Variants in NCAM1 observed in about 807,000 individuals in gnomAD.
NCAM1 encodes antigen recognized by monoclonal antibody 5.1H11.
NCAM1 carries 14 observed loss-of-function variants against 109.8 expected under a neutral mutation model. The observed-to-expected ratio is 0.13, with a 90% CI of 0.08 to 0.20. The LOEUF (loss-of-function observed/expected upper bound fraction) is 0.20, where lower values mean the gene tolerates loss of function less well. Among genes scored for constraint, NCAM1 ranks in the 10% least tolerant of loss-of-function variants. The pLI is 1.00. For synonymous variants in NCAM1, 418 were observed against 442.9 expected (o/e 0.94, Z 0.70); for missense variants, 774 against 1,109.9 (o/e 0.70, Z 4.30).
chr11:113,081,262 C>T (rs75458117), intron 1 of NCAM1, among the ~76,000 whole-genome samples: 202 of 152,058 alleles, frequency 1.3e-3, no homozygotes, highest in African/African-American at 4.7e-3. Flanking sequence ...GATGGCAGGA[C>T]GGGGGTCCCG....
At chr11:113,235,293 G>A in intron 14 of NCAM1, 129 bp downstream of exon 14, 2 of 1,579,252 alleles carry the variant, frequency 1.3e-6, no homozygotes, top group Non-Finnish European at 1.7e-6. Flanking sequence ...CTCTGCTCCT[G>A]GAGGCCCCAC....
intron 1 of NCAM1, among the ~76,000 whole-genome samples, chr11:113,171,464 T>C (rs1555106226): frequency 6.6e-6 from 1 of 152,096 alleles, no homozygotes; most frequent in Non-Finnish European, 1.5e-5. Flanking sequence ...AAACCCCGTT[T>C]CTACTAAAAA....
At chr11:112,981,064 T>A (rs570648601) in intron 1 of NCAM1, among the ~76,000 whole-genome samples, 30 of 151,854 alleles carry the variant, frequency 2.0e-4, no homozygotes, top group Non-Finnish European at 3.7e-4. Flanking sequence ...TAAGAGAATG[T>A]AGAGGAGAAT....
At chr11:113,015,822 G>A (rs1015326495) in intron 1 of NCAM1, among the ~76,000 whole-genome samples, 14 of 152,182 alleles carry the variant, frequency 9.2e-5, no homozygotes, top group African/African-American at 3.4e-4. Flanking sequence ...CCAGGAGTAA[G>A]CATTACACTT....
chr11:113,021,871 G>A (rs1952395417), intron 1 of NCAM1, among the ~76,000 whole-genome samples: 1 of 152,172 alleles, frequency 6.6e-6, no homozygotes, highest in African/African-American at 2.4e-5. Context: ...AATAGCAAAG[G>A]TAGATAATTA....
intron 1 of NCAM1, among the ~76,000 whole-genome samples, chr11:113,077,374 G>A (rs1277281714): frequency 5.3e-5 from 8 of 152,186 alleles, no homozygotes; most frequent in African/African-American, 1.9e-4. Flanking sequence ...TTTCTATAGG[G>A]CTTGGGTGAG....
At chr11:113,019,392 C>G (rs1591253209) in intron 1 of NCAM1, among the ~76,000 whole-genome samples, 1 of 152,292 alleles carries the variant, frequency 6.6e-6, no homozygotes, top group East Asian at 1.9e-4. Context: ...TAACATTTGC[C>G]TGATTTCAAT....
At chr11:112,964,418 A>G (rs2134451317) in intron 1 of NCAM1, among the ~76,000 whole-genome samples, 1 of 152,332 alleles carries the variant, frequency 6.6e-6, no homozygotes, top group East Asian at 1.9e-4. Context: ...AACGATCTGG[A>G]ATGGTTAAGT....
intron 1 of NCAM1, among the ~76,000 whole-genome samples, chr11:113,187,820 G>A (rs1041107578): frequency 1.3e-5 from 2 of 152,042 alleles, no homozygotes; most frequent in Non-Finnish European, 2.9e-5. Context: ...CTTTTTTCTC[G>A]GGCCATTTAT....
chr11:113,105,072 A>C (rs1271505759), intron 1 of NCAM1, among the ~76,000 whole-genome samples: 8 of 152,220 alleles, frequency 5.3e-5, no homozygotes, highest in African/African-American at 1.9e-4. Flanking sequence ...TTTGAGAAAC[A>C]CGTCAAAGTT....
intron 9 of NCAM1, among the ~76,000 whole-genome samples, chr11:113,228,838 T>C (rs1425802881): frequency 6.6e-6 from 1 of 152,182 alleles, no homozygotes; most frequent in Admixed American, 6.5e-5. Flanking sequence ...GGGGAAAGGA[T>C]TCCCTATTTA....
At chr11:113,131,621 C>T (rs1476584612) in intron 1 of NCAM1, among the ~76,000 whole-genome samples, 1 of 152,174 alleles carries the variant, frequency 6.6e-6, no homozygotes, top group Non-Finnish European at 1.5e-5. Context: ...GTTGATGTCT[C>T]GTGCTCAGAA....
At chr11:113,240,726 C>T (rs1227173560) in intron 14 of NCAM1, 17 of 1,504,316 alleles carry the variant, frequency 1.1e-5, no homozygotes, top group Admixed American at 7.1e-5. Flanking sequence ...ATTTTTTTTT[C>T]ATTCAGTATC....
At chr11:113,148,284 G>A (rs142406307) in intron 1 of NCAM1, among the ~76,000 whole-genome samples, 5 of 151,804 alleles carry the variant, frequency 3.3e-5, no homozygotes, top group Admixed American at 6.5e-5. Flanking sequence ...ATAACAGGCC[G>A]CTGCCCTACT....
At chr11:113,187,902 T>C (rs1943562057) in intron 1 of NCAM1, among the ~76,000 whole-genome samples, 1 of 152,390 alleles carries the variant, frequency 6.6e-6, no homozygotes, top group African/African-American at 2.4e-5. Flanking sequence ...TATAAGATAC[T>C]GGCATCTTTA....
intron 1 of NCAM1, among the ~76,000 whole-genome samples, chr11:113,025,810 AGAGAGAGAGAGAGG>A (rs1361153821): frequency 6.6e-6 from 1 of 150,612 alleles, no homozygotes; most frequent in Non-Finnish European, 1.5e-5. Flanking sequence ...AGAGAGAGAG[AGAGAGAGAGAGAGG>A]GAGAGAGAGA....
At chr11:113,120,814 T>C (rs1029930708) in intron 1 of NCAM1, among the ~76,000 whole-genome samples, 17 of 152,196 alleles carry the variant, frequency 1.1e-4, no homozygotes, top group African/African-American at 4.1e-4. Context: ...CTTAAATCCC[T>C]TAAATGCCCT....
intron 14 of NCAM1, among the ~76,000 whole-genome samples, chr11:113,237,028 A>G (rs1257241372): frequency 6.6e-6 from 1 of 152,212 alleles, no homozygotes; most frequent in Non-Finnish European, 1.5e-5. Context: ...TTTGGGGAAG[A>G]CTAACCAGCT....
chr11:113,252,786 C>G (rs1351712009), intron 15 of NCAM1, among the ~76,000 whole-genome samples: 1 of 141,668 alleles, frequency 7.1e-6, no homozygotes, highest in Non-Finnish European at 1.5e-5. Flanking sequence ...CAGGCACATG[C>G]CACTATGCCC....
Sources: allele counts gnomAD v4.1 joint callset (sites outside exome capture counted in the v4.1 genomes callset), GRCh38; gene constraint gnomAD v4.1.1; transcripts MANE v1.5; gene names NCBI Gene and HGNC (gene_info 2026-07-23, HGNC 2026-07-21).